Variants in KCNH1 observed in about 807,000 individuals in gnomAD.
KCNH1 encodes the protein voltage-gated delayed rectifier potassium channel KCNH1.
Under a neutral mutation model 69.2 loss-of-function variants are expected in KCNH1, and 27 were observed. The observed-to-expected ratio is 0.39, with a 90% CI of 0.29 to 0.54. KCNH1 has a LOEUF of 0.54. Ranked by LOEUF, KCNH1 falls within the 20% of genes least tolerant of loss-of-function variation. The probability of loss-of-function intolerance (pLI) is 0.68; values close to 1 mark genes in which losing one functional copy is unlikely to be tolerated. For missense variants in KCNH1, 798 were observed against 1,261.6 expected, an observed-to-expected ratio of 0.63 and a Z score of 5.57; for synonymous variants, 456 against 487.7, an observed-to-expected ratio of 0.93 and a Z score of 0.86.
At chr1:210,852,266 T>C (rs1171062365) in intron 7 of KCNH1, among the ~76,000 whole-genome samples, 1 of 152,168 alleles carries the variant, frequency 6.6e-6, no homozygotes, top group African/African-American at 2.4e-5. Context: ...GGGCTTGGCA[T>C]GTTCAAAAGC....
intron 7 of KCNH1, among the ~76,000 whole-genome samples, chr1:210,916,350 T>G (rs551379231): frequency 6.6e-6 from 1 of 152,324 alleles, no homozygotes; most frequent in Non-Finnish European, 1.5e-5. Context: ...GTGGAACAGC[T>G]GAAACGGTGA....
At chr1:211,044,839 T>C (rs1690063642) in intron 5 of KCNH1, among the ~76,000 whole-genome samples, 1 of 151,868 alleles carries the variant, frequency 6.6e-6, no homozygotes, top group South Asian at 2.1e-4. Flanking sequence ...TGGAAAACAG[T>C]GTGGAGATTC....
At chr1:211,127,102 A>G (rs1691790105) in intron 1 of KCNH1, among the ~76,000 whole-genome samples, 1 of 152,228 alleles carries the variant, frequency 6.6e-6, no homozygotes, top group Admixed American at 6.5e-5. Flanking sequence ...TTCCTCTGTT[A>G]GACCCAGCAT....
At position 211,030,079 on chromosome 1, in the gene KCNH1, G is replaced by A. The variant is rs149080469; in HGVS notation, c.559-10823C>T. Among the ~76,000 whole-genome samples, 1,211 of 152,250 alleles carry A rather than the reference G, an allele frequency of 8.0e-3. 22 individuals carry two copies. Among genetic ancestry groups the A allele is most frequent in the African/African-American group, 0.028 (1,149 of 41,538 alleles). On this transcript the variant is annotated intron_variant, in intron 5 of 10. Coordinates refer to ENST00000271751, the MANE Select transcript of KCNH1 (RefSeq NM_172362.3). ...CAAAACATACTGAAGATATCCATTC[G>A]CTCCAAATCGTTATACAAGTTTAGC...
chr1:211,020,934 T>C (rs1003787290), intron 5 of KCNH1, among the ~76,000 whole-genome samples: 1 of 96,728 alleles, frequency 1.0e-5, no homozygotes, highest in Admixed American at 1.0e-4. Flanking sequence ...AAATTCGATA[T>C]CCTTTCATGA....
intron 6 of KCNH1, among the ~76,000 whole-genome samples, chr1:210,926,399 C>T (rs949513220): frequency 1.3e-5 from 2 of 152,032 alleles, no homozygotes; most frequent in Non-Finnish European, 2.9e-5. Context: ...GACTCTTTGC[C>T]GACACTCCCC....
chr1:211,001,075 G>A (rs1431308849), intron 6 of KCNH1, among the ~76,000 whole-genome samples: 1 of 152,118 alleles, frequency 6.6e-6, no homozygotes, highest in East Asian at 1.9e-4. Flanking sequence ...AGAAAACCCA[G>A]GCAATACCAT....
In KCNH1 at chr1:211,107,621, AC is replaced by A. The variant is rs148300045; in HGVS notation, c.80-245del. On this transcript the variant is annotated intron_variant, in intron 1 of 10. Transcript: ENST00000271751. ...AAAAAGAAGTTAGGAAAGAAAGCAT[AC>A]TTAACCAACCAACCAACAAATCCTG... Among the ~76,000 whole-genome samples the A allele has an allele frequency of 8.0e-3, 1,221 of 152,324 alleles. 19 individuals carry two copies. Among genetic ancestry groups the A allele is most frequent in the African/African-American group, 0.028 (1,172 of 41,560 alleles).
At chr1:210,705,525 A>G (rs1157578295) in intron 10 of KCNH1, among the ~76,000 whole-genome samples, 1 of 152,182 alleles carries the variant, frequency 6.6e-6, no homozygotes, top group African/African-American at 2.4e-5. Context: ...TTGAAGCCAG[A>G]GGGTCGACCC....
At position 211,069,696 on chromosome 1, in the gene KCNH1, A is replaced by G. The variant is rs562951453; in HGVS notation, c.558+13084T>C. Reference sequence around the variant, plus strand: ...CCAAAACTGAAAAGCAAAGAGAACAAAAAAAGACCGGAAAAAAAATTTGTG... The same window carrying G: ...CCAAAACTGAAAAGCAAAGAGAACAGAAAAAGACCGGAAAAAAAATTTGTG... On this transcript the variant is annotated intron_variant, in intron 5 of 10. Coordinates refer to ENST00000271751, the MANE Select transcript of KCNH1 (RefSeq NM_172362.3). 8.5e-5 allele frequency among the ~76,000 whole-genome samples: 13 copies of G among 152,300 alleles called. No individual in the cohort carries two copies. In the South Asian group the frequency reaches 2.7e-3, roughly 32 times the overall value.
intron 10 of KCNH1, among the ~76,000 whole-genome samples, chr1:210,686,067 G>A (rs1681401770): frequency 6.6e-6 from 1 of 152,076 alleles, no homozygotes; most frequent in Non-Finnish European, 1.5e-5. Context: ...TCCCATCCCT[G>A]CCTCCTCTGG....
At chr1:210,831,210 A>T (rs1685155623) in intron 7 of KCNH1, among the ~76,000 whole-genome samples, 1 of 152,192 alleles carries the variant, frequency 6.6e-6, no homozygotes. Flanking sequence ...CTGATGCTTT[A>T]TTCTGTTTAA....
chr1:210,777,872 C>T (rs1558465500), intron 9 of KCNH1, among the ~76,000 whole-genome samples: 1 of 152,240 alleles, frequency 6.6e-6, no homozygotes, highest in African/African-American at 2.4e-5. Flanking sequence ...TGACTGGCCT[C>T]AACCAATAGA....
intron 7 of KCNH1, among the ~76,000 whole-genome samples, chr1:210,820,739 C>T (rs1202109032): frequency 1.3e-5 from 2 of 152,180 alleles, no homozygotes; most frequent in East Asian, 3.9e-4. Flanking sequence ...TCACAAAGAT[C>T]TTTACAATGG....
chr1:210,919,935 A>G lies in KCNH1; in HGVS notation c.1167T>C (p.Ala389=), dbSNP rs1369728344. 6.2e-7 allele frequency: 1 copy of G among 1,614,156 alleles called. No homozygotes were observed. Among genetic ancestry groups the G allele is most frequent in the South Asian group, 1.1e-5 (1 of 91,072 alleles). Residue 389 remains alanine (A), a synonymous_variant, in exon 7 of 11, where the codon GCT becomes GCC. Transcript: ENST00000271751. The surrounding 1 kb of genome is among the most constrained non-coding windows in gnomAD (Gnocchi z 4.2). The part of the protein sequence containing the change: ...LVLLVCVFGL[A]AHWMACIWYS... ...ACCAGATGCAGGCCATCCAGTGTGCAGCCAGCCCAAACACACACACCAGCA... is the reference window on the plus strand; with the variant it reads ...ACCAGATGCAGGCCATCCAGTGTGCGGCCAGCCCAAACACACACACCAGCA...
intron 10 of KCNH1, among the ~76,000 whole-genome samples, chr1:210,735,114 G>A (rs1464915671): frequency 1.3e-5 from 2 of 152,064 alleles, no homozygotes; most frequent in South Asian, 2.1e-4. Flanking sequence ...GGCTTTGTGT[G>A]TGCTGACTGC....
At chr1:211,065,800 C>T (rs1690519130) in intron 5 of KCNH1, among the ~76,000 whole-genome samples, 1 of 152,046 alleles carries the variant, frequency 6.6e-6, no homozygotes, top group Non-Finnish European at 1.5e-5. Flanking sequence ...TGGCTCACAC[C>T]TGTATTCCCA....
intron 6 of KCNH1, among the ~76,000 whole-genome samples, chr1:210,982,768 C>A (rs1688739395): frequency 6.6e-6 from 1 of 152,136 alleles, no homozygotes; most frequent in African/African-American, 2.4e-5. Context: ...GATTTATAAT[C>A]CTTTGGGTAT....
At chr1:210,925,245 G>A (rs1445547613) in intron 6 of KCNH1, among the ~76,000 whole-genome samples, 2 of 152,244 alleles carry the variant, frequency 1.3e-5, no homozygotes, top group Non-Finnish European at 2.9e-5. Context: ...AATTAAGATG[G>A]CAGATAGGAG....
Sources: allele counts gnomAD v4.1 joint callset (sites outside exome capture counted in the v4.1 genomes callset), GRCh38; gene constraint gnomAD v4.1.1; non-coding constraint Gnocchi (gnomAD v3.1); transcripts MANE v1.5; gene names NCBI Gene and HGNC (gene_info 2026-07-23, HGNC 2026-07-21).